BCAS3: variants seen among roughly 807,000 people sequenced by gnomAD.
The protein encoded by BCAS3 is BCAS3 microtubule associated cell migration factor.
Under a neutral mutation model 116.1 loss-of-function variants are expected in BCAS3, and 53 were observed. The observed-to-expected ratio is 0.46, with a 90% confidence interval of 0.37 to 0.57. BCAS3 has a LOEUF of 0.57. Ranked by LOEUF, BCAS3 falls within the 20% of genes least tolerant of loss-of-function variation. BCAS3 has a pLI of 0.00. For missense variants in BCAS3, 917 were observed against 1,165.4 expected, an observed-to-expected ratio of 0.79 and a Z score of 3.10; for synonymous variants, 391 against 408.2, an observed-to-expected ratio of 0.96 and a Z score of 0.51.
At chr17:61,049,490 A>G (rs1302656587) in intron 19 of BCAS3, among the ~76,000 whole-genome samples, 1 of 151,890 alleles carries the variant, frequency 6.6e-6, no homozygotes, top group Non-Finnish European at 1.5e-5. Context: ...GTGGGACAGA[A>G]GAAATAATAG....
intron 9 of BCAS3, among the ~76,000 whole-genome samples, chr17:60,877,361 A>G (rs913207327): frequency 3.3e-5 from 5 of 152,106 alleles, no homozygotes; most frequent in Admixed American, 6.6e-5. Flanking sequence ...TCTCCTGTCT[A>G]TCTCTAAAGG....
chr17:61,019,510 C>T lies in BCAS3; in HGVS notation c.1637+3609C>T, dbSNP rs1033802671. ...ATGGTTTGATTATCTTAAAATTTAA[C>T]ATTTTCACTAAAATACATGTATTTT... On this transcript the variant is annotated intron_variant, in intron 16 of 23. Transcript: ENST00000407086. This position sits in a 1 kb window ranked among gnomAD's most constrained non-coding sequence, Gnocchi z 5.6. Among the ~76,000 whole-genome samples, 1 of 152,096 alleles carries T rather than the reference C, an allele frequency of 6.6e-6. No individual in the cohort carries two copies. Among genetic ancestry groups the T allele is most frequent in the Non-Finnish European group, 1.5e-5 (1 of 67,994 alleles).
At chr17:61,067,313 A>ATATATATT (rs2070774495) in intron 19 of BCAS3, among the ~76,000 whole-genome samples, 2 of 131,748 alleles carry the variant, frequency 1.5e-5, no homozygotes, top group Admixed American at 1.5e-4. Flanking sequence ...ATATATATAT[A>ATATATATT]TATTTATACA....
At chr17:61,301,552 G>A (rs188726525) in intron 22 of BCAS3, among the ~76,000 whole-genome samples, 15 of 152,234 alleles carry the variant, frequency 9.9e-5, no homozygotes, top group East Asian at 1.9e-4. Flanking sequence ...CAGGAGAATC[G>A]CTTGAACCCG....
chr17:61,270,173 GC>G (rs1195661186), intron 22 of BCAS3, among the ~76,000 whole-genome samples: 2 of 141,444 alleles, frequency 1.4e-5, no homozygotes, highest in African/African-American at 5.3e-5. Flanking sequence ...AGGCTAGAGT[GC>G]GATGGTGCGA....
Position 61,151,187 on chromosome 17 carries a change from TTGAG to T in BCAS3, c.2425+66630_2425+66633del, listed in dbSNP as rs2077520313. 6.6e-6 allele frequency among the ~76,000 whole-genome samples: 1 copy of T among 152,204 alleles called. No homozygotes were observed. Among genetic ancestry groups the T allele is most frequent in the Non-Finnish European group, 1.5e-5 (1 of 68,028 alleles). ...GGATGCTCCAAAATTCAAAACTTTT[TTGAG>T]TGAGTGCCAATATTACACTCTAAGG... On this transcript the variant is annotated intron_variant, in intron 22 of 23. Transcript: ENST00000407086. This position sits in a 1 kb window ranked among gnomAD's most constrained non-coding sequence, Gnocchi z 4.8.
At chr17:61,254,543 C>T (rs1235036707) in intron 22 of BCAS3, among the ~76,000 whole-genome samples, 5 of 151,802 alleles carry the variant, frequency 3.3e-5, no homozygotes, top group Admixed American at 2.6e-4. Context: ...CTTTGGGAGG[C>T]CGTGGCGGGC....
At chr17:60,749,044 G>C (rs900618235) in intron 6 of BCAS3, 3 of 152,178 alleles carry the variant, frequency 2.0e-5, no homozygotes, top group African/African-American at 7.2e-5. Context: ...CTTCGGAGCA[G>C]CCTTTTAGAT....
chr17:61,268,116 T>C (rs1389239567), intron 22 of BCAS3, among the ~76,000 whole-genome samples: 2 of 152,240 alleles, frequency 1.3e-5, no homozygotes, highest in Non-Finnish European at 2.9e-5. Flanking sequence ...TTGGGGACTC[T>C]GCATCTCTGC....
At chr17:61,341,820 A>G (rs993645754) in intron 22 of BCAS3, among the ~76,000 whole-genome samples, 5 of 152,258 alleles carry the variant, frequency 3.3e-5, no homozygotes, top group Non-Finnish European at 5.9e-5. Flanking sequence ...TCTTAAAGTC[A>G]GTAGCCAGTA....
intron 19 of BCAS3, among the ~76,000 whole-genome samples, chr17:61,064,641 G>A (rs935542882): frequency 6.6e-6 from 1 of 152,112 alleles, no homozygotes; most frequent in African/African-American, 2.4e-5. Context: ...GTTTTTCAGT[G>A]AAATCTATTA....
intron 4 of BCAS3, among the ~76,000 whole-genome samples, chr17:60,692,666 G>A (rs1296975908): frequency 4.0e-5 from 6 of 149,886 alleles, no homozygotes; most frequent in African/African-American, 7.6e-5. Context: ...CCCAGGAGGC[G>A]GAGGTTGTAG....
rs371455136 is a variant in BCAS3, at chr17:60,692,974, A to C, written c.214+3213A>C. On this transcript the variant is annotated intron_variant, in intron 4 of 23. Transcript: ENST00000407086. ...TATCTGACCTTAGGAGAAATCAGAA[A>C]AGAGACATAACAGCCAATTTCCCAA... Among the ~76,000 whole-genome samples, 17 of 152,050 alleles carry C rather than the reference A, an allele frequency of 1.1e-4. No individual in the cohort carries two copies. The East Asian group carries it at 3.1e-3, about 28-fold the overall frequency.
rs748676282 is a variant in BCAS3 at position 60,992,230 on chromosome 17, A to ACACACACACACACACT, written c.1486+1996_1486+1997insACACACACACACACTC. On this transcript the variant is annotated intron_variant, in intron 15 of 23. Coordinates refer to ENST00000407086, the MANE Select transcript of BCAS3 (RefSeq NM_017679.5). The stretch of plus-strand genomic sequence containing the variant: ...CACACACACACACACACACACACAC[A>ACACACACACACACACT]CTCTGTAGGAAGCTTAAAGATAGAC... 4.5e-3 allele frequency among the ~76,000 whole-genome samples: 656 copies of ACACACACACACACACT among 147,100 alleles called. 8 individuals carry two copies. Among genetic ancestry groups the ACACACACACACACACT allele is most frequent in the African/African-American group, 0.016 (613 of 38,728 alleles).
At chr17:60,876,496 G>A (rs943393253) in intron 9 of BCAS3, among the ~76,000 whole-genome samples, 6 of 151,950 alleles carry the variant, frequency 3.9e-5, no homozygotes, top group Admixed American at 3.3e-4. Context: ...ATCCCTTAAA[G>A]ATAACATTTC....
At chr17:60,835,364 T>G (rs933874388) in intron 7 of BCAS3, among the ~76,000 whole-genome samples, 26 of 152,126 alleles carry the variant, frequency 1.7e-4, no homozygotes, top group African/African-American at 5.8e-4. Context: ...GATTTGTTAG[T>G]TTTTTCTTTG....
intron 22 of BCAS3, among the ~76,000 whole-genome samples, chr17:61,305,546 G>A (rs1462561846): frequency 6.6e-6 from 1 of 152,220 alleles, no homozygotes; most frequent in East Asian, 1.9e-4. Context: ...AGGATTAAAT[G>A]AGGTCATATA....
At chr17:60,706,187 C>G (rs564472049) in intron 4 of BCAS3, among the ~76,000 whole-genome samples, 9 of 152,080 alleles carry the variant, frequency 5.9e-5, no homozygotes, top group African/African-American at 2.2e-4. Flanking sequence ...TTCAGCCTCC[C>G]GAGTAGCTGG....
chr17:61,273,815 G>A (rs762993463), intron 22 of BCAS3, among the ~76,000 whole-genome samples: 1 of 149,520 alleles, frequency 6.7e-6, no homozygotes, highest in Non-Finnish European at 1.5e-5. Flanking sequence ...ATAGGTCTCT[G>A]TAGTGTTTAA....
Sources: allele counts gnomAD v4.1 joint callset (sites outside exome capture counted in the v4.1 genomes callset), GRCh38; gene constraint gnomAD v4.1.1; non-coding constraint Gnocchi (gnomAD v3.1); transcripts MANE v1.5; gene names NCBI Gene and HGNC (gene_info 2026-07-23, HGNC 2026-07-21).